The following WIPF2 variants were observed in gnomAD, a reference collection of about 807,000 sequenced individuals.
WIPF2 encodes WAS/WASL-interacting protein family member 2.
In WIPF2, 23 loss-of-function variants were observed where a neutral mutation model predicts 38.8. The observed-to-expected ratio is 0.59, with a 90% CI of 0.43 to 0.84. WIPF2 has a LOEUF of 0.84. Among genes scored for constraint, WIPF2 ranks in the 40% least tolerant of loss-of-function variants. The pLI is 0.00. For synonymous variants in WIPF2, 210 were observed against 223.2 expected (o/e 0.94, Z 0.53); for missense variants, 574 against 580.5 (o/e 0.99, Z 0.11).
At chr17:40,273,517 T>A in intron 5 of WIPF2, 1 of 428,098 alleles carries the variant, frequency 2.3e-6, no homozygotes, top group South Asian at 3.6e-5. Flanking sequence ...AGACCTGAAT[T>A]AGAATTGTGG....
intron 1 of WIPF2, chr17:40,220,573 G>GTATGTATATA (rs2030141212): frequency 1.3e-5 from 1 of 77,108 alleles, no homozygotes; most frequent in South Asian, 4.2e-4. Flanking sequence ...GTGTGTGTGT[G>GTATGTATATA]TATATATATA....
chr17:40,228,789 A>T (rs1443725130), intron 1 of WIPF2, among the ~76,000 whole-genome samples: 1 of 151,648 alleles, frequency 6.6e-6, no homozygotes, highest in Non-Finnish European at 1.5e-5. Flanking sequence ...CACAATTTTT[A>T]AAATTTTTTG....
At chr17:40,277,826 A>G (rs1598504763) in intron 7 of WIPF2, among the ~76,000 whole-genome samples, 1 of 148,668 alleles carries the variant, frequency 6.7e-6, no homozygotes, top group African/African-American at 2.5e-5. Context: ...TCCCAGGTTC[A>G]AGTGATTCTC....
chr17:40,228,867 C>T (rs1473513039), intron 1 of WIPF2, among the ~76,000 whole-genome samples: 2 of 151,712 alleles, frequency 1.3e-5, no homozygotes, highest in Admixed American at 6.6e-5. Context: ...CCTCCTATCT[C>T]GAAGTGCCAT....
At chr17:40,239,438 G>A (rs905872112) in intron 1 of WIPF2, among the ~76,000 whole-genome samples, 1 of 152,050 alleles carries the variant, frequency 6.6e-6, no homozygotes, top group African/African-American at 2.4e-5. Context: ...CTACTATAGG[G>A]TATTGGGATT....
intron 6 of WIPF2, among the ~76,000 whole-genome samples, chr17:40,275,739 A>AT (rs908608380): frequency 4.6e-5 from 7 of 151,502 alleles, no homozygotes; most frequent in Non-Finnish European, 7.4e-5. Context: ...CTAATTTTGT[A>AT]TTTTTTTTGT....
chr17:40,231,713 A>G (rs879432552), intron 1 of WIPF2, among the ~76,000 whole-genome samples: 6 of 151,890 alleles, frequency 4.0e-5, no homozygotes, highest in Non-Finnish European at 7.4e-5. Flanking sequence ...GTGAGCCACC[A>G]TGCCTGGCCG....
chr17:40,237,876 C>T (rs1356210904), intron 1 of WIPF2, among the ~76,000 whole-genome samples: 3 of 146,944 alleles, frequency 2.0e-5, no homozygotes, highest in Admixed American at 1.4e-4. Context: ...AAACTCCTAA[C>T]CCTGTCTCTA....
Position 40,219,365 on chromosome 17 carries a change from CGGT to C in WIPF2, c.-194_-192del, listed in dbSNP as rs1256373642. The C allele has an allele frequency of 2.2e-5, 9 of 400,880 alleles. 1 individual carries two copies. Among genetic ancestry groups the C allele is most frequent in the East Asian group, 5.6e-5 (1 of 17,938 alleles). 24.8% of individuals were successfully genotyped at this position (400,880 alleles called of 1,614,324 possible). A position where few individuals can be genotyped will look rare whatever the true frequency, so the allele number is the denominator to read the frequency against. ...TCCATTTCCGGGTTGGCAAAAGGGGCGGTGGCGGCGGCGGCGGCGGCGGCGGCG... is the reference window on the plus strand; with the variant it reads ...TCCATTTCCGGGTTGGCAAAAGGGGCGGCGGCGGCGGCGGCGGCGGCGGCG... On this transcript the variant is annotated 5_prime_UTR_variant, in exon 1 of 8. Transcript: ENST00000323571.
intron 1 of WIPF2, among the ~76,000 whole-genome samples, chr17:40,247,593 C>A (rs2031415133): frequency 1.3e-5 from 2 of 151,760 alleles, no homozygotes; most frequent in South Asian, 4.2e-4. Flanking sequence ...GCAATCTCAG[C>A]TCACTGCAGC....
intron 1 of WIPF2, among the ~76,000 whole-genome samples, chr17:40,223,105 T>G (rs1195693550): frequency 6.6e-6 from 1 of 151,970 alleles, no homozygotes; most frequent in Admixed American, 6.6e-5. Flanking sequence ...TGAAGTCAAT[T>G]GATGAAGACT....
At chr17:40,256,704 T>C (rs1288311127) in intron 2 of WIPF2, among the ~76,000 whole-genome samples, 182 bp downstream of exon 2, 2 of 152,210 alleles carry the variant, frequency 1.3e-5, no homozygotes, top group Non-Finnish European at 2.9e-5. Context: ...TATTAAAGGA[T>C]ACTTAGGGCT....
chr17:40,261,030 A>G (rs1174880632), intron 3 of WIPF2, among the ~76,000 whole-genome samples: 7 of 138,616 alleles, frequency 5.0e-5, no homozygotes, highest in African/African-American at 1.8e-4. Flanking sequence ...TGTCTCTCAA[A>G]AAGGTAAAAA....
chr17:40,277,290 T>A, intron 7 of WIPF2, 106 bp downstream of exon 7: 1 of 949,990 alleles, frequency 1.1e-6, no homozygotes, highest in Non-Finnish European at 1.6e-6. Flanking sequence ...GGCTCATACC[T>A]ATAATCCCAG....
chr17:40,270,137 G>A (rs140215968), intron 5 of WIPF2, among the ~76,000 whole-genome samples: 2,681 of 150,724 alleles, frequency 0.018, 45 homozygotes, highest in Non-Finnish European at 0.03. Flanking sequence ...AGGCTGAGGC[G>A]GGCAGATCAT....
At chr17:40,270,712 AAT>A (rs1268567129) in intron 5 of WIPF2, among the ~76,000 whole-genome samples, 2 of 152,102 alleles carry the variant, frequency 1.3e-5, no homozygotes, top group Non-Finnish European at 2.9e-5. Flanking sequence ...GTAGATTTGG[AAT>A]CAAAACAAGG....
chr17:40,233,821 T>C (rs1217256800), intron 1 of WIPF2, among the ~76,000 whole-genome samples: 1 of 151,962 alleles, frequency 6.6e-6, no homozygotes, highest in African/African-American at 2.4e-5. Flanking sequence ...CTGAACACTT[T>C]GGGAAGCCGA....
chr17:40,262,765 G>A, intron 4 of WIPF2, 124 bp downstream of exon 4: 1 of 743,286 alleles, frequency 1.3e-6, no homozygotes, highest in South Asian at 1.6e-5. Context: ...GAGTAGGGGA[G>A]GAGTTATAGA....
At chr17:40,257,336 G>A (rs2031759246) in intron 2 of WIPF2, among the ~76,000 whole-genome samples, 1 of 151,994 alleles carries the variant, frequency 6.6e-6, no homozygotes, top group African/African-American at 2.4e-5. Context: ...TTCAAAATCA[G>A]TTCATTTTAA....
Sources: allele counts gnomAD v4.1 joint callset (sites outside exome capture counted in the v4.1 genomes callset), GRCh38; gene constraint gnomAD v4.1.1; transcripts MANE v1.5; gene names NCBI Gene and HGNC (gene_info 2026-07-23, HGNC 2026-07-21).